Variants in CSMD1 observed in about 807,000 individuals in gnomAD.
CSMD1 encodes CUB and sushi domain-containing protein 1.
In CSMD1, 213 loss-of-function variants were observed where a neutral mutation model predicts 417.5. The observed-to-expected ratio is 0.51, with a 90% confidence interval of 0.46 to 0.57. CSMD1 has a LOEUF of 0.57. Among genes scored for constraint, CSMD1 ranks in the 20% least tolerant of loss-of-function variants. CSMD1 has a pLI of 0.00. For missense variants in CSMD1, 6,923 were observed against 4,529.7 expected, an observed-to-expected ratio of 1.53 and a Z score of -15.17; for synonymous variants, 2,862 against 1,736.8, an observed-to-expected ratio of 1.65 and a Z score of -16.11.
chr8:4,752,674 T>C (rs904779137), intron 1 of CSMD1, among the ~76,000 whole-genome samples: 5 of 152,286 alleles, frequency 3.3e-5, no homozygotes, highest in South Asian at 4.1e-4. Flanking sequence ...TAAAATCTGA[T>C]GGTGAAATGG....
At chr8:3,451,166 G>A (rs1357944583) in intron 12 of CSMD1, among the ~76,000 whole-genome samples, 2 of 152,124 alleles carry the variant, frequency 1.3e-5, no homozygotes, top group East Asian at 3.9e-4. Context: ...GGGGTTGCTT[G>A]TTTTCTTCTT....
At chr8:3,444,429 C>T (rs1292591025) in intron 12 of CSMD1, among the ~76,000 whole-genome samples, 1 of 152,108 alleles carries the variant, frequency 6.6e-6, no homozygotes, top group Non-Finnish European at 1.5e-5. Flanking sequence ...TCTTTCCTAA[C>T]AATACAAAAC....
At chr8:3,803,994 C>T (rs137956887) in intron 5 of CSMD1, among the ~76,000 whole-genome samples, 2 of 152,076 alleles carry the variant, frequency 1.3e-5, no homozygotes, top group Non-Finnish European at 2.9e-5. Context: ...ATGGCGTGAT[C>T]TCGGCTCACT....
At chr8:3,228,149 T>C (rs1297320500) in intron 27 of CSMD1, among the ~76,000 whole-genome samples, 2 of 152,216 alleles carry the variant, frequency 1.3e-5, no homozygotes, top group Non-Finnish European at 2.9e-5. Context: ...TGTCTCCAGG[T>C]AAAAAGATGA....
At chr8:4,607,170 C>G (rs1800920914) in intron 2 of CSMD1, among the ~76,000 whole-genome samples, 1 of 151,854 alleles carries the variant, frequency 6.6e-6, no homozygotes, top group Non-Finnish European at 1.5e-5. Flanking sequence ...GATCCTTGTA[C>G]TCAAGGAACT....
chr8:2,959,080 C>T (rs1486797373), intron 62 of CSMD1, among the ~76,000 whole-genome samples: 1 of 152,164 alleles, frequency 6.6e-6, no homozygotes, highest in Non-Finnish European at 1.5e-5. Context: ...GACTCATTTA[C>T]TCTTGATTGA....
chr8:3,253,578 T>C (rs984221936), intron 26 of CSMD1, among the ~76,000 whole-genome samples: 3 of 152,222 alleles, frequency 2.0e-5, no homozygotes, highest in Non-Finnish European at 2.9e-5. Context: ...AATTCCTGGA[T>C]ATCCTTTTTA....
In CSMD1 at chr8:3,206,047, A is replaced by G. The variant is rs1298206328; in HGVS notation, c.4868-427T>C. On this transcript the variant is annotated intron_variant, in intron 30 of 69. Transcript: ENST00000635120. ...ATATTAATATGGGAATCAAAGGAAA[A>G]ATGTTTTGTTTTTTAGGGGATTTTC... Among the ~76,000 whole-genome samples, 4 of 152,276 alleles carry G rather than the reference A, an allele frequency of 2.6e-5. No individual in the cohort carries two copies. In the East Asian group the frequency reaches 7.7e-4, roughly 29 times the overall value.
chr8:3,703,734 G>C (rs1003650116), intron 7 of CSMD1, among the ~76,000 whole-genome samples: 3 of 152,120 alleles, frequency 2.0e-5, no homozygotes, highest in Non-Finnish European at 4.4e-5. Flanking sequence ...AAAAAAGCAG[G>C]AGTTTGTTTT....
intron 3 of CSMD1, among the ~76,000 whole-genome samples, chr8:4,242,507 A>C (rs1244491532): frequency 6.6e-6 from 1 of 152,234 alleles, no homozygotes; most frequent in Non-Finnish European, 1.5e-5. Flanking sequence ...TTTCATATTT[A>C]TTAAGTATCT....
intron 12 of CSMD1, among the ~76,000 whole-genome samples, chr8:3,428,839 T>G (rs1384206629): frequency 6.6e-6 from 1 of 152,140 alleles, no homozygotes; most frequent in Non-Finnish European, 1.5e-5. Context: ...GGTAAAAATG[T>G]GGAATACTAT....
chr8:4,040,611 G>T (rs994529591), intron 3 of CSMD1, among the ~76,000 whole-genome samples: 1 of 152,166 alleles, frequency 6.6e-6, no homozygotes, highest in Admixed American at 6.5e-5. Context: ...GGATTGGGGA[G>T]ACTTACGATG....
chr8:3,828,344 T>C (rs1298518097), intron 5 of CSMD1, among the ~76,000 whole-genome samples: 2 of 152,192 alleles, frequency 1.3e-5, no homozygotes, highest in Admixed American at 1.3e-4. Context: ...AATCTATAAT[T>C]AAGAATCTGT....
intron 11 of CSMD1, among the ~76,000 whole-genome samples, chr8:3,490,876 T>A (rs1818333745): frequency 6.6e-6 from 1 of 151,798 alleles, no homozygotes; most frequent in South Asian, 2.1e-4. Flanking sequence ...AAGAAAAAAA[T>A]TTTTTTTTAC....
At position 4,419,964 on chromosome 8, in the gene CSMD1, G is replaced by A; in HGVS notation, c.404C>T (p.Ala135Val). The A allele has an allele frequency of 1.3e-6, 2 of 1,575,282 alleles. No homozygotes were observed. Among genetic ancestry groups the A allele is most frequent in the Non-Finnish European group, 1.7e-6 (2 of 1,157,948 alleles). Residue 135 changes from alanine to valine, a missense_variant, in exon 3 of 70, where the codon GCA (alanine) becomes GTA (valine). Ala to Val is a moderately conservative substitution (Grantham distance 64). Transcript: ENST00000635120. The stretch of plus-strand genomic sequence containing the variant: ...AACCAATCTCCTACCTTCATATAAT[G>A]CTTTGAAACCTTGGGCACTCACAGC... ...DFAVSAQGFK[A>V]LYEVLPSHTC... is the part of the protein sequence containing the mutation.
intron 37 of CSMD1, among the ~76,000 whole-genome samples, chr8:3,174,479 T>A (rs1472479563): frequency 1.3e-5 from 2 of 152,040 alleles, no homozygotes; most frequent in Non-Finnish European, 2.9e-5. Flanking sequence ...TGGGCCAGAG[T>A]GAGATTCTGT....
At chr8:4,101,484 G>A (rs1432852212) in intron 3 of CSMD1, among the ~76,000 whole-genome samples, 1 of 152,164 alleles carries the variant, frequency 6.6e-6, no homozygotes, top group Non-Finnish European at 1.5e-5. Flanking sequence ...CCATGGTGCA[G>A]CTGTCCTCAG....
intron 1 of CSMD1, among the ~76,000 whole-genome samples, chr8:4,751,657 A>G (rs1585042952): frequency 6.6e-6 from 1 of 152,236 alleles, no homozygotes; most frequent in East Asian, 1.9e-4. Flanking sequence ...ACCCTCAGTG[A>G]ATTATTTTAA....
chr8:4,021,488 C>T (rs868485684), intron 4 of CSMD1, among the ~76,000 whole-genome samples: 129 of 152,228 alleles, frequency 8.5e-4, no homozygotes, highest in Middle Eastern at 3.4e-3. Flanking sequence ...CAGTTGAATC[C>T]GCTACATCCC....
Sources: gnomAD v4.1 joint callset for allele counts (sites outside exome capture counted in the v4.1 genomes callset) on GRCh38, gnomAD v4.1.1 for gene constraint, MANE v1.5 for transcripts, NCBI Gene and HGNC (gene_info 2026-07-23, HGNC 2026-07-21) for gene names.